The following LOXHD1 variants were observed in gnomAD, a reference collection of about 807,000 sequenced individuals.
LOXHD1 encodes lipoxygenase homology domain-containing protein 1.
A neutral mutation model predicts 248.2 loss-of-function variants in LOXHD1; 205 were observed. The ratio of observed to expected loss-of-function variants is 0.83; its 90% CI spans 0.74 to 0.93. LOXHD1 has a LOEUF of 0.93. Ranked by LOEUF, LOXHD1 falls within the 40% of genes least tolerant of loss-of-function variation. The pLI is 0.00. For synonymous variants in LOXHD1, 1,113 were observed against 1,162.8 expected, an observed-to-expected ratio of 0.96 and a Z score of 0.87; for missense variants, 2,930 against 2,971.6, an observed-to-expected ratio of 0.99 and a Z score of 0.33.
chr18:46,545,134 C>T (rs770473864), intron 23 of LOXHD1, among the ~76,000 whole-genome samples, 183 bp downstream of exon 23: 6 of 152,148 alleles, frequency 3.9e-5, no homozygotes, highest in Non-Finnish European at 7.4e-5. Flanking sequence ...AAAAAGAAAG[C>T]TGGCTCAGAG....
chr18:46,510,128 G>T (rs1391243944), intron 34 of LOXHD1, among the ~76,000 whole-genome samples: 1 of 152,182 alleles, frequency 6.6e-6, no homozygotes, highest in Non-Finnish European at 1.5e-5. Context: ...CTTACCTGTG[G>T]TCTGGAGAAT....
In LOXHD1 at chr18:46,594,219, A is replaced by G. The variant is rs372679441; in HGVS notation, c.1270+112T>C. On this transcript the variant is annotated intron_variant, in intron 9 of 40. Transcript: ENST00000642948. ...GCTTTTTCCTTCCTTTCTGGAGGAG[A>G]CTTGAGAAGCAGGAGTGGACTGCCC... The G allele has an allele frequency of 1.1e-4, 152 of 1,361,308 alleles. No homozygotes were observed. In the East Asian group the frequency reaches 3.0e-3, roughly 27 times the overall value. The allele number at this position is 1,361,308 out of a possible 1,614,324, so 84.3% of individuals were successfully genotyped here. A position where few individuals can be genotyped will look rare whatever the true frequency, so the allele number is the denominator to read the frequency against.
At chr18:46,633,469 A>G (rs897273306) in intron 4 of LOXHD1, among the ~76,000 whole-genome samples, 2 of 152,240 alleles carry the variant, frequency 1.3e-5, no homozygotes, top group Non-Finnish European at 2.9e-5. Flanking sequence ...GCAAAATTTC[A>G]CTCAAAATGG....
At chr18:46,508,530 C>T (rs753860086) in intron 35 of LOXHD1, among the ~76,000 whole-genome samples, 7 of 152,154 alleles carry the variant, frequency 4.6e-5, no homozygotes, top group Non-Finnish European at 8.8e-5. Flanking sequence ...GTGGCCCTGC[C>T]GACACCTTCA....
At chr18:46,572,543 G>C (rs146520530) in intron 14 of LOXHD1, among the ~76,000 whole-genome samples, 1 of 152,322 alleles carries the variant, frequency 6.6e-6, no homozygotes, top group African/African-American at 2.4e-5. Flanking sequence ...ACAACAGGTA[G>C]AGAGCTGGCA....
At chr18:46,639,369 T>C (rs2038933739) in intron 4 of LOXHD1, among the ~76,000 whole-genome samples, 1 of 152,206 alleles carries the variant, frequency 6.6e-6, no homozygotes, top group Non-Finnish European at 1.5e-5. Flanking sequence ...GTGCCTATCC[T>C]TCCATCATGC....
Position 46,604,155 on chromosome 18 carries a change from G to A in LOXHD1, c.834C>T (p.Asp278=), listed in dbSNP as rs112969644. 144 of 1,551,716 alleles carry A rather than the reference G, an allele frequency of 9.3e-5. No individual in the cohort carries two copies. The Middle Eastern group carries it at 2.8e-3, about 31-fold the overall frequency. ...PLNRWLALDE[D]DGKIQRDILV... ...AGATATCCCTTTGGATTTTGCCATCGTCTTCGTCCAAGGCCAGCCAGCGGT... is the reference window on the plus strand; with the variant it reads ...AGATATCCCTTTGGATTTTGCCATCATCTTCGTCCAAGGCCAGCCAGCGGT... The change falls in exon 7 of 41, where the codon GAC becomes GAT. Residue 278 remains aspartate (D), a synonymous_variant. Transcript: ENST00000642948.
intron 4 of LOXHD1, among the ~76,000 whole-genome samples, chr18:46,623,312 C>T (rs966869727): frequency 6.6e-6 from 1 of 152,236 alleles, no homozygotes; most frequent in Non-Finnish European, 1.5e-5. Context: ...AGACCAGCAA[C>T]CCTACCTTTC....
chr18:46,482,016 T>A (rs549632672), intron 40 of LOXHD1, among the ~76,000 whole-genome samples: 1 of 152,180 alleles, frequency 6.6e-6, no homozygotes, highest in Non-Finnish European at 1.5e-5. Flanking sequence ...TACTGAGCCA[T>A]GGAAAGGGCT....
chr18:46,483,887 G>A lies in LOXHD1; in HGVS notation c.6183-142C>T, dbSNP rs548319602. 7.0e-5 allele frequency: 66 copies of A among 937,678 alleles called. No individual in the cohort carries two copies. The East Asian group carries it at 1.7e-3, about 25-fold the overall frequency. 58.1% of individuals were successfully genotyped at this position (937,678 alleles called of 1,614,324 possible). On this transcript the variant is annotated intron_variant, in intron 39 of 40. Coordinates refer to ENST00000642948, the MANE Select transcript of LOXHD1 (RefSeq NM_001384474.1). ...AGCAGGAGCTCATGGCAGTCCTGGA[G>A]GCTTTGAGGGGTTCAGTTCAGTTTG... is the stretch of plus-strand genomic sequence containing the variant.
At chr18:46,634,233 G>A (rs1427846893) in intron 4 of LOXHD1, among the ~76,000 whole-genome samples, 1 of 152,204 alleles carries the variant, frequency 6.6e-6, no homozygotes, top group African/African-American at 2.4e-5. Flanking sequence ...ACAATGGGAT[G>A]CTATTCAGCC....
At chr18:46,632,061 C>A (rs1177379969) in intron 4 of LOXHD1, among the ~76,000 whole-genome samples, 1 of 152,196 alleles carries the variant, frequency 6.6e-6, no homozygotes, top group Non-Finnish European at 1.5e-5. Context: ...ACAGAAGAGG[C>A]AGTGGGGAGG....
In LOXHD1 at chr18:46,507,653, C is replaced by CAAGTCTCCTGGG; in HGVS notation, c.5576_5577insCCCAGGAGACTT (p.Leu1859_Ser1860insProGlyAspLeu). On this transcript the variant is annotated inframe_insertion, in exon 36 of 41. Coordinates refer to ENST00000642948, the MANE Select transcript of LOXHD1 (RefSeq NM_001384474.1). ...GGGTCTTCTTGCCCTTCCGCTGGGA[C>CAAGTCTCCTGGG]AGCCAGTCTCCATAGTAGAACATGG... 6.4e-7 allele frequency: 1 copy of CAAGTCTCCTGGG among 1,551,762 alleles called. No homozygotes were observed. Among genetic ancestry groups the CAAGTCTCCTGGG allele is most frequent in the African/African-American group, 1.4e-5 (1 of 73,188 alleles).
chr18:46,570,820 C>T (rs4890675), intron 15 of LOXHD1, among the ~76,000 whole-genome samples: 61,129 of 152,100 alleles, frequency 0.4, 14,132 homozygotes, highest in Non-Finnish European at 0.51. Flanking sequence ...TCAAAGCCGT[C>T]GTGGGCCACA....
intron 5 of LOXHD1, among the ~76,000 whole-genome samples, chr18:46,614,307 T>C (rs1021513512): frequency 6.6e-6 from 1 of 152,090 alleles, no homozygotes; most frequent in African/African-American, 2.4e-5. Context: ...TAGCAAAGAC[T>C]TGGAAACAAC....
intron 22 of LOXHD1, among the ~76,000 whole-genome samples, chr18:46,546,050 A>G (rs903132362): frequency 3.3e-5 from 5 of 152,104 alleles, no homozygotes; most frequent in East Asian, 1.9e-4. Context: ...GAAGCCTTCA[A>G]TCAATAGAGT....
intron 1 of LOXHD1, 84 bp downstream of exon 1, chr18:46,656,820 G>A: frequency 6.9e-7 from 1 of 1,441,570 alleles, no homozygotes; most frequent in Non-Finnish European, 9.4e-7. Flanking sequence ...CGAAATCTTA[G>A]AATGACTCCC....
chr18:46,524,474 T>C lies in LOXHD1; in HGVS notation c.4868A>G (p.Glu1623Gly), dbSNP rs12606417. The C allele has an allele frequency of 0.092, 142,035 of 1,551,170 alleles. 7,016 individuals are homozygous for C. The highest frequency in any genetic ancestry group is 0.1 in the Non-Finnish European group (117,214 of 1,146,528). ...VTGPMADYVQ[E>G]GPIIPYYVSV... ...CTCCCTGGTTGGCTTACTTGGGCCC[T>C]CTTGAACGTAGTCAGCCATGGGCCC... The change falls in exon 31 of 41, where the codon GAG (glutamate) becomes GGG (glycine). Residue 1623 changes from glutamate to glycine, a missense_variant. Glu to Gly is a moderately conservative substitution (Grantham distance 98). Transcript: ENST00000642948.
chr18:46,611,407 C>T (rs78721534), intron 5 of LOXHD1, among the ~76,000 whole-genome samples: 1 of 152,160 alleles, frequency 6.6e-6, no homozygotes, highest in Admixed American at 6.5e-5. Context: ...TTATTCCTCA[C>T]CACAATTCAA....
Sources: gnomAD v4.1 joint callset for allele counts (sites outside exome capture counted in the v4.1 genomes callset) on GRCh38, gnomAD v4.1.1 for gene constraint, MANE v1.5 for transcripts, NCBI Gene and HGNC (gene_info 2026-07-23, HGNC 2026-07-21) for gene names.